SAMD3: variants seen among roughly 807,000 people sequenced by gnomAD.
SAMD3 encodes the protein sterile alpha motif domain containing 3, also known as sterile alpha motif domain-containing protein 3.
Under a neutral mutation model 58.5 loss-of-function variants are expected in SAMD3, and 63 were observed. That is an observed-to-expected ratio of 1.08 (90% confidence interval 0.88 to 1.33). The LOEUF (loss-of-function observed/expected upper bound fraction) is 1.33. SAMD3 is among the 40% of genes most tolerant of loss of function. The pLI, the probability that SAMD3 is intolerant of heterozygous loss-of-function variation, is 0.00. For synonymous variants in SAMD3, 220 were observed against 210.3 expected, an observed-to-expected ratio of 1.05 and a Z score of -0.40; for missense variants, 604 against 608.4, an observed-to-expected ratio of 0.99 and a Z score of 0.08.
chr6:130,248,934 A>G (rs1773647619), intron 2 of SAMD3, among the ~76,000 whole-genome samples: 1 of 152,208 alleles, frequency 6.6e-6, no homozygotes, highest in Non-Finnish European at 1.5e-5. Context: ...CCAGGCCTCA[A>G]GGGCAGAAAT....
At chr6:130,342,795 G>A (rs1316146474) in intron 1 of SAMD3, among the ~76,000 whole-genome samples, 1 of 152,096 alleles carries the variant, frequency 6.6e-6, no homozygotes, top group Non-Finnish European at 1.5e-5. Context: ...CTGAAAGGTG[G>A]CAATAAGAAA....
chr6:130,311,852 G>A (rs1001969282), intron 2 of SAMD3, among the ~76,000 whole-genome samples: 2 of 152,130 alleles, frequency 1.3e-5, no homozygotes, highest in African/African-American at 4.8e-5. Flanking sequence ...AGGATCCAAG[G>A]ACTGAGTGAC....
chr6:130,309,528 A>G (rs1776068613), intron 2 of SAMD3, among the ~76,000 whole-genome samples: 2 of 152,190 alleles, frequency 1.3e-5, no homozygotes, highest in South Asian at 2.1e-4. Flanking sequence ...AATCATTGAT[A>G]TCGGCAACTA....
chr6:130,148,188 TTTC>T (rs764247463), intron 9 of SAMD3, among the ~76,000 whole-genome samples: 13 of 152,240 alleles, frequency 8.5e-5, no homozygotes, highest in Non-Finnish European at 1.9e-4. Flanking sequence ...TTCTAATTCC[TTTC>T]TTTCTACATG....
intron 2 of SAMD3, among the ~76,000 whole-genome samples, chr6:130,291,534 C>T (rs1389922149): frequency 1.3e-5 from 2 of 152,210 alleles, no homozygotes. Context: ...TGGGTGGTAT[C>T]TTGGTGCTGG....
chr6:130,266,139 A>G (rs2114929671), intron 2 of SAMD3, among the ~76,000 whole-genome samples: 1 of 152,318 alleles, frequency 6.6e-6, no homozygotes, highest in East Asian at 1.9e-4. Flanking sequence ...TGGATCTTCA[A>G]GTAAATATCG....
chr6:130,344,825 C>CAAACAAAAA (rs1777390747), intron 1 of SAMD3, among the ~76,000 whole-genome samples: 1 of 41,110 alleles, frequency 2.4e-5, no homozygotes, highest in African/African-American at 1.1e-4. Context: ...ACAACAACAG[C>CAAACAAAAA]AAAAAAAAAA....
At chr6:130,273,006 T>C (rs754483754) in intron 2 of SAMD3, among the ~76,000 whole-genome samples, 8 of 152,154 alleles carry the variant, frequency 5.3e-5, no homozygotes, top group South Asian at 2.1e-4. Flanking sequence ...ATTTGGTTTA[T>C]AGTATTGTTC....
chr6:130,315,999 G>A (rs1776352587), intron 1 of SAMD3, among the ~76,000 whole-genome samples: 1 of 152,072 alleles, frequency 6.6e-6, no homozygotes, highest in Non-Finnish European at 1.5e-5. Context: ...TAAAAGAATG[G>A]GATATTAGGG....
rs537066801 is a variant in SAMD3, at chr6:130,326,367, A to ATTTTTTTTTTT, written c.-303-13285_-303-13275dup. Among the ~76,000 whole-genome samples, 40 of 128,804 alleles carry ATTTTTTTTTTT rather than the reference A, an allele frequency of 3.1e-4. 1 individual carries two copies. The highest frequency in any genetic ancestry group is 8.7e-4 in the African/African-American group (30 of 34,410). 84.5% of individuals were successfully genotyped at this position (128,804 alleles called of 152,430 possible). A position where few individuals can be genotyped will look rare whatever the true frequency, so the allele number is the denominator to read the frequency against. ...TTTCCATCTCTAGAAATGCCTGGTC[A>ATTTTTTTTTTT]TTTTTTTTTTTTTTTTGCAAACTTC... On this transcript the variant is annotated intron_variant, in intron 1 of 13. Coordinates refer to the SAMD3 transcript ENST00000368134.
intron 2 of SAMD3, among the ~76,000 whole-genome samples, chr6:130,300,351 C>A (rs1241559921): frequency 6.6e-6 from 1 of 151,788 alleles, no homozygotes; most frequent in Non-Finnish European, 1.5e-5. Context: ...AATTAAAAAC[C>A]AAAATTATAT....
chr6:130,185,488 C>T (rs113944044), intron 5 of SAMD3, among the ~76,000 whole-genome samples: 1 of 152,130 alleles, frequency 6.6e-6, no homozygotes, highest in African/African-American at 2.4e-5. Context: ...GCCACCACAC[C>T]TGGCTAATTT....
At chr6:130,184,346 A>G in intron 6 of SAMD3, 92 bp downstream of exon 6, 2 of 1,315,912 alleles carry the variant, frequency 1.5e-6, no homozygotes, top group Admixed American at 2.2e-5. Context: ...TATATCATCC[A>G]CAATCTGAAG....
At chr6:130,157,417 C>T (rs1354034107) in intron 8 of SAMD3, among the ~76,000 whole-genome samples, 1 of 151,872 alleles carries the variant, frequency 6.6e-6, no homozygotes, top group Non-Finnish European at 1.5e-5. Context: ...CAGCTCAGTG[C>T]AGCCTCAAAC....
intron 5 of SAMD3, among the ~76,000 whole-genome samples, chr6:130,189,095 A>G (rs1276346674): frequency 1.2e-5 from 1 of 83,326 alleles, no homozygotes; most frequent in Non-Finnish European, 2.7e-5. Flanking sequence ...CACAATCTTT[A>G]AAAAAACCAA....
chr6:130,208,651 C>T (rs753386168), intron 5 of SAMD3, among the ~76,000 whole-genome samples: 1 of 152,170 alleles, frequency 6.6e-6, no homozygotes, highest in East Asian at 1.9e-4. Flanking sequence ...TCTTCCATCA[C>T]CCCCAGATGG....
At chr6:130,333,168 ATATG>A (rs1366790562) in intron 1 of SAMD3, among the ~76,000 whole-genome samples, 2 of 151,942 alleles carry the variant, frequency 1.3e-5, no homozygotes, top group African/African-American at 2.4e-5. Context: ...TCTTCTGGGG[ATATG>A]TATTAGGATT....
chr6:130,324,208 C>G (rs1463685814), intron 1 of SAMD3, among the ~76,000 whole-genome samples: 1 of 152,148 alleles, frequency 6.6e-6, no homozygotes, highest in African/African-American at 2.4e-5. Flanking sequence ...AAATACTGAT[C>G]TAGGATAGCA....
At chr6:130,182,832 T>C (rs989584318) in intron 7 of SAMD3, among the ~76,000 whole-genome samples, 112 of 152,318 alleles carry the variant, frequency 7.4e-4, no homozygotes, top group African/African-American at 2.5e-3. Flanking sequence ...TCTGAGACAG[T>C]AAAGCACAAA....
Sources: gnomAD v4.1 joint callset for allele counts (sites outside exome capture counted in the v4.1 genomes callset) on GRCh38, gnomAD v4.1.1 for gene constraint, MANE v1.5 for transcripts, NCBI Gene and HGNC (gene_info 2026-07-23, HGNC 2026-07-21) for gene names.